CRIM1: variants seen among roughly 807,000 people sequenced by gnomAD.
CRIM1 encodes cysteine rich transmembrane BMP regulator 1, also known as cysteine-rich motor neuron 1 protein.
In CRIM1, 32 loss-of-function variants were observed where a neutral mutation model predicts 116.4. That is an observed-to-expected ratio of 0.27 (90% CI 0.21 to 0.37). CRIM1 has a LOEUF of 0.37. Ranked by LOEUF, CRIM1 falls within the 10% of genes least tolerant of loss-of-function variation. CRIM1 has a pLI of 1.00. For missense variants in CRIM1, 1,331 were observed against 1,354.8 expected (o/e 0.98, Z 0.28); for synonymous variants, 590 against 509.2 (o/e 1.16, Z -2.13).
chr2:36,417,389 G>C (rs186887166), intron 2 of CRIM1, among the ~76,000 whole-genome samples: 17 of 152,078 alleles, frequency 1.1e-4, no homozygotes, highest in African/African-American at 3.6e-4. Flanking sequence ...TTACTCACCT[G>C]TTTACCAATT....
chr2:36,408,899 A>G (rs962983071), intron 2 of CRIM1, among the ~76,000 whole-genome samples: 9 of 152,250 alleles, frequency 5.9e-5, no homozygotes, highest in African/African-American at 2.2e-4. Flanking sequence ...AAATGTTCTT[A>G]TAATTTTATC....
intron 2 of CRIM1, among the ~76,000 whole-genome samples, chr2:36,415,324 C>G (rs1256629773): frequency 1.3e-5 from 2 of 152,138 alleles, no homozygotes; most frequent in African/African-American, 2.4e-5. Flanking sequence ...TGTGGTGATG[C>G]TATTTGGAAA....
chr2:36,468,309 G>A (rs184400606), intron 5 of CRIM1, among the ~76,000 whole-genome samples: 5 of 152,114 alleles, frequency 3.3e-5, no homozygotes, highest in African/African-American at 1.2e-4. Flanking sequence ...TCGAAAACTC[G>A]TGAGTTTTGA....
At position 36,457,754 on chromosome 2, in the gene CRIM1, T is replaced by C. The variant is rs559377382; in HGVS notation, c.870-6780T>C. 1.1e-4 allele frequency among the ~76,000 whole-genome samples: 16 copies of C among 151,314 alleles called. No homozygotes were observed. In the East Asian group the frequency reaches 3.1e-3, roughly 29 times the overall value. On this transcript the variant is annotated intron_variant, in intron 4 of 16. Transcript: ENST00000280527. ...CTTTTTGGATATTTTATTTGCAGCC[T>C]TTAAAAAAAAAAAAACTTACACATT...
chr2:36,498,163 G>A (rs1347424736), intron 7 of CRIM1, among the ~76,000 whole-genome samples: 2 of 152,210 alleles, frequency 1.3e-5, no homozygotes, highest in Non-Finnish European at 2.9e-5. Flanking sequence ...AAGTATGTCA[G>A]TGCCTCTGTT....
intron 11 of CRIM1, among the ~76,000 whole-genome samples, chr2:36,517,108 C>T (rs912227417): frequency 2.6e-5 from 4 of 152,192 alleles, no homozygotes; most frequent in Middle Eastern, 3.2e-3. Flanking sequence ...TGTTGACAGA[C>T]TTAAACCACT....
intron 2 of CRIM1, among the ~76,000 whole-genome samples, chr2:36,429,817 G>T (rs1674739475): frequency 6.6e-6 from 1 of 152,196 alleles, no homozygotes; most frequent in African/African-American, 2.4e-5. Context: ...CGTTTGCCTT[G>T]CTCACTTCTG....
At chr2:36,545,817 G>C (rs1667283967) in intron 15 of CRIM1, among the ~76,000 whole-genome samples, 1 of 151,876 alleles carries the variant, frequency 6.6e-6, no homozygotes, top group South Asian at 2.1e-4. Context: ...ATTTGATTTG[G>C]AATATGGGAA....
At chr2:36,374,586 G>T (rs187646216) in intron 1 of CRIM1, among the ~76,000 whole-genome samples, 6 of 152,118 alleles carry the variant, frequency 3.9e-5, no homozygotes, top group Admixed American at 2.6e-4. Context: ...TCATTATTAT[G>T]ATTTGTCAAG....
intron 1 of CRIM1, among the ~76,000 whole-genome samples, chr2:36,387,300 A>C (rs1004678982): frequency 3.3e-5 from 5 of 152,346 alleles, no homozygotes; most frequent in African/African-American, 1.2e-4. Context: ...ATAATTAGAC[A>C]TTTCTCCAAA....
intron 13 of CRIM1, among the ~76,000 whole-genome samples, chr2:36,528,061 C>G (rs1234481518): frequency 1.3e-5 from 2 of 152,028 alleles, no homozygotes; most frequent in Non-Finnish European, 2.9e-5. Flanking sequence ...TATTAAATGA[C>G]ATAATGTACA....
chr2:36,507,136 A>G (rs1681489829), intron 8 of CRIM1, among the ~76,000 whole-genome samples: 1 of 152,218 alleles, frequency 6.6e-6, no homozygotes, highest in African/African-American at 2.4e-5. Context: ...CTGGGATTAC[A>G]GGTTCCAGCC....
At chr2:36,478,144 A>G (rs1284704650) in intron 6 of CRIM1, among the ~76,000 whole-genome samples, 1 of 152,232 alleles carries the variant, frequency 6.6e-6, no homozygotes, top group Non-Finnish European at 1.5e-5. Flanking sequence ...ATAATATTGA[A>G]GATCTGAAAA....
At chr2:36,517,668 AG>A (rs1440992437) in intron 12 of CRIM1, 126 bp downstream of exon 12, 7 of 860,854 alleles carry the variant, frequency 8.1e-6, no homozygotes. Context: ...GTATCCCATC[AG>A]GAACAGCTGG....
At chr2:36,511,309 A>G (rs1026852466) in intron 9 of CRIM1, among the ~76,000 whole-genome samples, 12 of 152,024 alleles carry the variant, frequency 7.9e-5, no homozygotes, top group African/African-American at 2.9e-4. Context: ...CATCTTTTTC[A>G]TTCTTCATTT....
chr2:36,408,610 C>T (rs1450577500), intron 2 of CRIM1, among the ~76,000 whole-genome samples: 1 of 152,204 alleles, frequency 6.6e-6, no homozygotes, highest in African/African-American at 2.4e-5. Context: ...AGGGGTTCTC[C>T]GCCTCCTGCA....
At chr2:36,410,286 G>A (rs1000477127) in intron 2 of CRIM1, among the ~76,000 whole-genome samples, 9 of 151,690 alleles carry the variant, frequency 5.9e-5, no homozygotes, top group East Asian at 3.9e-4. Flanking sequence ...TCAATTTCCC[G>A]AAAAGCAAAT....
Position 36,544,484 on chromosome 2 carries a change from T to C in CRIM1, c.2732T>C (p.Val911Ala). Reference sequence around the variant, plus strand: ...CCCACGCCTAGTGAAAATGATATCGTCCATCTCCCTAGAGGTAAGCATTGA... The same window carrying C: ...CCCACGCCTAGTGAAAATGATATCGCCCATCTCCCTAGAGGTAAGCATTGA... ...LWPTPSENDI[V>A]HLPRDMGHLQ... The change falls in exon 15 of 17, where the codon GTC becomes GCC. Residue 911 changes from valine (V) to alanine (A), a missense_variant. Around this residue, in one of 3 missense-constraint regions of CRIM1, gnomAD observed 283 missense variants for 242.8 expected, o/e 1.17. Transcript: ENST00000280527. 7.3e-7 allele frequency: 1 copy of C among 1,375,298 alleles called. No individual in the cohort carries two copies. Among genetic ancestry groups the C allele is most frequent in the South Asian group, 2.3e-5 (1 of 43,680 alleles). The allele number at this position is 1,375,298 out of a possible 1,614,324, so 85.2% of individuals were successfully genotyped here. A position where few individuals can be genotyped will look rare whatever the true frequency, so the allele number is the denominator to read the frequency against.
At chr2:36,502,110 T>G (rs1434537320) in intron 8 of CRIM1, among the ~76,000 whole-genome samples, 1 of 152,176 alleles carries the variant, frequency 6.6e-6, no homozygotes, top group African/African-American at 2.4e-5. Flanking sequence ...TTGTGTCCAG[T>G]CACCTCACCT....
Sources: allele counts gnomAD v4.1 joint callset (sites outside exome capture counted in the v4.1 genomes callset), GRCh38; gene constraint gnomAD v4.1.1; regional missense constraint gnomAD v4.1.1; transcripts MANE v1.5; gene names NCBI Gene and HGNC (gene_info 2026-07-23, HGNC 2026-07-21).